The following PLCG2 variants were observed in gnomAD, a reference collection of about 807,000 sequenced individuals.
The protein encoded by PLCG2 is 1-phosphatidylinositol 4,5-bisphosphate phosphodiesterase gamma-2.
Under a neutral mutation model 175.6 loss-of-function variants are expected in PLCG2, and 69 were observed. The ratio of observed to expected loss-of-function variants is 0.39; its 90% CI spans 0.32 to 0.48. The LOEUF (loss-of-function observed/expected upper bound fraction) is 0.48. Ranked by LOEUF, PLCG2 falls within the 20% of genes least tolerant of loss-of-function variation. PLCG2 has a pLI of 0.91. For synonymous variants in PLCG2, 827 were observed against 624.0 expected (o/e 1.33, Z -4.85); for missense variants, 1,798 against 1,650.9 (o/e 1.09, Z -1.54).
chr16:81,945,157 A>C (rs1911102779), intron 30 of PLCG2, among the ~76,000 whole-genome samples: 1 of 152,190 alleles, frequency 6.6e-6, no homozygotes, highest in African/African-American at 2.4e-5. Context: ...GGAAAGTGAG[A>C]GATTCAGTGG....
chr16:81,804,756 C>T (rs1166480836), intron 2 of PLCG2, among the ~76,000 whole-genome samples: 2 of 152,158 alleles, frequency 1.3e-5, no homozygotes, highest in Non-Finnish European at 2.9e-5. Context: ...CCACTTTGAG[C>T]TCCTCTGCCT....
chr16:81,806,418 T>G (rs775237140), intron 2 of PLCG2, among the ~76,000 whole-genome samples: 3 of 152,074 alleles, frequency 2.0e-5, no homozygotes, highest in African/African-American at 7.2e-5. Context: ...GTCCTAGATT[T>G]AGGTGTGACA....
At chr16:81,851,606 G>T (rs938278215) in intron 2 of PLCG2, among the ~76,000 whole-genome samples, 13 of 152,080 alleles carry the variant, frequency 8.5e-5, no homozygotes, top group African/African-American at 3.1e-4. Context: ...TCCGCCTCCC[G>T]AGTTCAGGCG....
At position 81,900,596 on chromosome 16, in the gene PLCG2, C is replaced by A. The variant is rs778184999; in HGVS notation, c.1194-16C>A. On this transcript the variant is annotated splice_polypyrimidine_tract_variant and intron_variant, in intron 13 of 32. Coordinates refer to ENST00000564138, the MANE Select transcript of PLCG2 (RefSeq NM_002661.5). ...GTGCTCCCCCTGCCGAGCTGCCCAC[C>A]CTCTTCTGCCTGCAGCTTCCCAGTG... 30 of 1,580,382 alleles carry A rather than the reference C, an allele frequency of 1.9e-5. No individual in the cohort carries two copies. The highest frequency in any genetic ancestry group is 1.8e-4 in the Middle Eastern group (1 of 5,584).
chr16:81,764,297 A>AAAAT (rs755454120), intron 2 of PLCG2, among the ~76,000 whole-genome samples: 5 of 152,124 alleles, frequency 3.3e-5, no homozygotes, highest in Non-Finnish European at 5.9e-5. Flanking sequence ...ATCCTGTCTC[A>AAAAT]AAATAAATAA....
intron 2 of PLCG2, among the ~76,000 whole-genome samples, chr16:81,786,820 T>G (rs914397576): frequency 3.3e-5 from 5 of 152,236 alleles, no homozygotes; most frequent in African/African-American, 9.6e-5. Context: ...TGCTCTAATT[T>G]GTGTTTTTAA....
At chr16:81,782,926 G>T (rs1347657961) in intron 1 of PLCG2, among the ~76,000 whole-genome samples, 1 of 152,320 alleles carries the variant, frequency 6.6e-6, no homozygotes, top group East Asian at 1.9e-4. Flanking sequence ...TTCCACCCCT[G>T]CTCCTTTAGG....
At chr16:81,901,543 A>G (rs1909151905) in intron 14 of PLCG2, among the ~76,000 whole-genome samples, 1 of 152,202 alleles carries the variant, frequency 6.6e-6, no homozygotes, top group African/African-American at 2.4e-5. Context: ...CAGACCCCCG[A>G]AGAATCCACG....
chr16:81,925,897 A>AAAG (rs1910250343), intron 22 of PLCG2, among the ~76,000 whole-genome samples: 1 of 152,090 alleles, frequency 6.6e-6, no homozygotes, highest in Non-Finnish European at 1.5e-5. Context: ...AAAAAAAAAA[A>AAAG]AAAAAAATCC....
At chr16:81,800,634 A>G (rs1219481283) in intron 2 of PLCG2, among the ~76,000 whole-genome samples, 1 of 152,020 alleles carries the variant, frequency 6.6e-6, no homozygotes, top group Non-Finnish European at 1.5e-5. Flanking sequence ...ATTTGGGTTG[A>G]TTCCCTATCT....
At chr16:81,790,833 C>G (rs1427309244) in intron 2 of PLCG2, among the ~76,000 whole-genome samples, 2 of 151,924 alleles carry the variant, frequency 1.3e-5, no homozygotes, top group Non-Finnish European at 2.9e-5. Flanking sequence ...ATTTTCTCAC[C>G]TGGGATACAG....
rs1188075312 is a variant in PLCG2, at chr16:81,960,415, A to C, written c.*2417A>C. The C allele has an allele frequency of 4.4e-6, 1 of 225,692 alleles. No homozygotes were observed. Among genetic ancestry groups the C allele is most frequent in the East Asian group, 6.4e-5 (1 of 15,616 alleles). 14.0% of individuals were successfully genotyped at this position (225,692 alleles called of 1,614,324 possible). A position where few individuals can be genotyped will look rare whatever the true frequency, so the allele number is the denominator to read the frequency against. ...ACTGATAGATCAAAACCACCACTGC[A>C]TATGTATTACACTGTTTTTGTTCAC... On this transcript the variant is annotated 3_prime_UTR_variant, in exon 33 of 33. Coordinates refer to ENST00000564138, the MANE Select transcript of PLCG2 (RefSeq NM_002661.5).
At chr16:81,862,618 C>T (rs532575397) in intron 5 of PLCG2, among the ~76,000 whole-genome samples, 1 of 152,064 alleles carries the variant, frequency 6.6e-6, no homozygotes, top group Non-Finnish European at 1.5e-5. Flanking sequence ...ACCTGTAATC[C>T]TAACAGTTTG....
chr16:81,803,610 T>C (rs1047588045), intron 2 of PLCG2, among the ~76,000 whole-genome samples: 1 of 150,072 alleles, frequency 6.7e-6, no homozygotes, highest in Admixed American at 6.7e-5. Context: ...TTTTCTTTTC[T>C]TTTCTTTTCC....
At chr16:81,835,289 T>C (rs987249830) in intron 2 of PLCG2, among the ~76,000 whole-genome samples, 6 of 152,278 alleles carry the variant, frequency 3.9e-5, no homozygotes, top group African/African-American at 1.4e-4. Context: ...ACTTAGTAAG[T>C]AGCTGTTATA....
chr16:81,802,351 A>T (rs1194810809), intron 2 of PLCG2, among the ~76,000 whole-genome samples: 1 of 151,490 alleles, frequency 6.6e-6, no homozygotes, highest in Non-Finnish European at 1.5e-5. Flanking sequence ...TGACCTCGTG[A>T]TCCACCCGCC....
rs12920068 is a variant in PLCG2 at position 81,841,553 on chromosome 16, T to G, written c.194-12891T>G. Among the ~76,000 whole-genome samples, 805 of 152,264 alleles carry G rather than the reference T, an allele frequency of 5.3e-3. 1 individual carries two copies. Among genetic ancestry groups the G allele is most frequent in the Middle Eastern group, 0.02 (6 of 294 alleles). On this transcript the variant is annotated intron_variant, in intron 2 of 32. Coordinates refer to ENST00000564138, the MANE Select transcript of PLCG2 (RefSeq NM_002661.5). ...ACTGCGCCCGGCTGTAAACTTTACT[T>G]TTTGCAAAGTTTTTTTTCAGATATA...
intron 2 of PLCG2, among the ~76,000 whole-genome samples, chr16:81,789,851 CT>C (rs200945548): frequency 0.017 from 2,534 of 151,764 alleles, 47 homozygotes; most frequent in Non-Finnish European, 0.024. Context: ...TTTGCCCCCC[CT>C]CCATTGCCTC....
chr16:81,848,668 A>G (rs1036056155), intron 2 of PLCG2, among the ~76,000 whole-genome samples: 2 of 151,590 alleles, frequency 1.3e-5, no homozygotes, highest in African/African-American at 2.4e-5. Flanking sequence ...TGAGGTCCCC[A>G]TTTCTCTCTG....
Sources: gnomAD v4.1 joint callset for allele counts (sites outside exome capture counted in the v4.1 genomes callset) on GRCh38, gnomAD v4.1.1 for gene constraint, MANE v1.5 for transcripts, NCBI Gene and HGNC (gene_info 2026-07-23, HGNC 2026-07-21) for gene names.